SHOX: variants seen among roughly 807,000 people sequenced by gnomAD.
SHOX encodes SHOX homeobox, also known as short stature homeobox protein.
SHOX carries 12 observed loss-of-function variants against 29.6 expected under a neutral mutation model. That is an observed-to-expected ratio of 0.41 (90% confidence interval 0.26 to 0.66). The LOEUF (loss-of-function observed/expected upper bound fraction) is 0.66. Among genes scored for constraint, SHOX ranks in the 30% least tolerant of loss-of-function variants. The pLI is 0.35. For synonymous variants in SHOX, 214 were observed against 200.6 expected, an observed-to-expected ratio of 1.07 and a Z score of -0.57; for missense variants, 499 against 437.7, an observed-to-expected ratio of 1.14 and a Z score of -1.25.
At chrX:637,526 TATCG>T (rs893861064) in intron 2 of SHOX, among the ~76,000 whole-genome samples, 1 of 151,088 alleles carries the variant, frequency 6.6e-6, no homozygotes, top group Admixed American at 6.6e-5. Flanking sequence ...AGCTGGGGGT[TATCG>T]ATTGCAGGGG....
At chrX:625,876 C>G (rs1277984583), upstream of SHOX, among the ~76,000 whole-genome samples, 1 of 80,146 alleles carries the variant, frequency 1.2e-5, no homozygotes, top group Non-Finnish European at 2.6e-5. Flanking sequence ...CTCTGTCTCT[C>G]TTTCTCTCTC....
downstream of SHOX, among the ~76,000 whole-genome samples, chrX:653,198 G>A (rs1258949320): frequency 9.2e-5 from 14 of 152,200 alleles, no homozygotes; most frequent in Middle Eastern, 3.4e-3. Context: ...CCGAGATCGC[G>A]CCATTGCACT....
rs1376045127 is a variant in SHOX at position 644,485 on chromosome X, C to G, written c.728C>G (p.Pro243Arg). 1.3e-6 allele frequency: 2 copies of G among 1,523,258 alleles called. No individual in the cohort carries two copies. The highest frequency in any genetic ancestry group is 2.5e-5 in the East Asian group (1 of 39,330). The allele number at this position is 1,523,258 out of a possible 1,614,324, so 94.4% of individuals were successfully genotyped here. Residue 243 changes from proline to arginine, a missense_variant, in exon 5 of 5, where the codon CCG becomes CGG. Physicochemically the swap from Pro to Arg is moderately radical, Grantham distance 103 (BLOSUM62 -2). Coordinates refer to ENST00000686671, the MANE Select transcript of SHOX (RefSeq NM_000451.4). ...CACGCGCCCTACCTGATGTTCCCCC[C>G]GCCGCCCTTCGGGCTGCCCATCGCG... ...AAHAPYLMFPPPPFGLPIASL... is the reference protein window; with the variant it reads ...AAHAPYLMFPRPPFGLPIASL...
downstream of SHOX, among the ~76,000 whole-genome samples, chrX:655,600 CTCTCTCTCTCTCTCTATATA>C (rs1347128462): frequency 1.4e-3 from 74 of 54,132 alleles, no homozygotes; most frequent in South Asian, 3.4e-3. Flanking sequence ...CTCTCTCTCT[CTCTCTCTCTCTCTCTATATA>C]TATATATATA....
chrX:640,757 G>A (rs904909908), intron 2 of SHOX, 64 bp from the exon 3 acceptor site: 1 of 1,579,200 alleles, frequency 6.3e-7, no homozygotes, highest in African/African-American at 1.3e-5. Flanking sequence ...TGGGAAGGAT[G>A]CTCCCTGGGG....
chrX:633,244 G>A (rs958231970), intron 1 of SHOX, among the ~76,000 whole-genome samples: 2 of 152,162 alleles, frequency 1.3e-5, no homozygotes, highest in Non-Finnish European at 1.5e-5. Context: ...CTGGGAGCCC[G>A]TGGGTTCTGC....
intron 5 of SHOX, among the ~76,000 whole-genome samples, chrX:656,788 A>G (rs2053152425): frequency 6.6e-6 from 1 of 150,952 alleles, no homozygotes; most frequent in Admixed American, 6.7e-5. Flanking sequence ...CCATGCAGTG[A>G]GTCGAGATCG....
chrX:641,173 TCCTA>T, intron 4 of SHOX, 86 bp downstream of exon 4: 1 of 1,245,738 alleles, frequency 8.0e-7, no homozygotes, highest in Non-Finnish European at 1.2e-6. Context: ...ATCCTGACAC[TCCTA>T]GTCCCTCCCT....
intron 5 of SHOX, among the ~76,000 whole-genome samples, chrX:658,245 G>A (rs2053174548): frequency 6.6e-6 from 1 of 152,060 alleles, no homozygotes; most frequent in Admixed American, 6.6e-5. Context: ...AAAGTGCTGG[G>A]ATGACAGACA....
At chrX:627,813 A>AC (rs371914809), upstream of SHOX, among the ~76,000 whole-genome samples, 1 of 151,870 alleles carries the variant, frequency 6.6e-6, no homozygotes, top group African/African-American at 2.4e-5. Context: ...GCCTCACGGG[A>AC]CCCCCCAGGA....
rs1338400354 is a variant in SHOX, at chrX:650,423, T to C, written c.*5787T>C. Among the ~76,000 whole-genome samples the C allele has an allele frequency of 2.6e-5, 4 of 152,240 alleles. No individual in the cohort carries two copies. The highest frequency in any genetic ancestry group is 2.6e-4 in the Admixed American group (4 of 15,286). On this transcript the variant is annotated 3_prime_UTR_variant, in exon 5 of 5. Coordinates refer to ENST00000686671, the MANE Select transcript of SHOX (RefSeq NM_000451.4). Reference sequence around the variant, plus strand: ...GGTCTTGCTGCTGTCCTTGGCCACGTCAGCACGTGGGAGCATCTGTGGATA... The same window carrying C: ...GGTCTTGCTGCTGTCCTTGGCCACGCCAGCACGTGGGAGCATCTGTGGATA...
chrX:655,568 G>GTCTC (rs1228178183), downstream of SHOX, among the ~76,000 whole-genome samples: 21 of 87,876 alleles, frequency 2.4e-4, no homozygotes, highest in East Asian at 1.2e-3. Flanking sequence ...CTCTCTCTCT[G>GTCTC]TCTCTCTCTC....
At chrX:626,366 CCT>C (rs1223096366), upstream of SHOX, among the ~76,000 whole-genome samples, 1 of 132,184 alleles carries the variant, frequency 7.6e-6, no homozygotes, top group African/African-American at 2.8e-5. Flanking sequence ...CTCTCTCTCT[CCT>C]CTCTCTCTTT....
chrX:629,507 A>C (rs1313893398), upstream of SHOX, among the ~76,000 whole-genome samples: 3,101 of 71,884 alleles, frequency 0.043, no homozygotes, highest in Middle Eastern at 0.088. Flanking sequence ...CTCTCTCTCC[A>C]TCTCTCTCTC....
intron 4 of SHOX, among the ~76,000 whole-genome samples, chrX:642,621 TCTTTTGCCGA>T (rs1478375001): frequency 1.3e-5 from 2 of 152,090 alleles, no homozygotes; most frequent in Non-Finnish European, 2.9e-5. Context: ...TCTTGTACCG[TCTTTTGCCGA>T]CGGCGGGACC....
intron 2 of SHOX, 71 bp from the exon 3 acceptor site, chrX:640,750 G>C: frequency 6.4e-7 from 1 of 1,568,540 alleles, no homozygotes; most frequent in South Asian, 1.1e-5. Context: ...AGCCTCATGG[G>C]AAGGATGCTC....
rs1444972548 is a variant in SHOX, at chrX:648,932, CTCTTTCTTTCTTT to C, written c.*4308_*4320del. On this transcript the variant is annotated 3_prime_UTR_variant, in exon 5 of 5. Coordinates refer to ENST00000686671, the MANE Select transcript of SHOX (RefSeq NM_000451.4). Reference sequence around the variant, plus strand: ...CCTTTCTTTCTTTTTCTTTCTTTCTCTCTTTCTTTCTTTTCTTTCTTTCTGTTTCTTTCCTTTT... The same window carrying C: ...CCTTTCTTTCTTTTTCTTTCTTTCTCTCTTTCTTTCTGTTTCTTTCCTTTT... Among the ~76,000 whole-genome samples the C allele has an allele frequency of 3.8e-5, 3 of 78,072 alleles. No individual in the cohort carries two copies. The highest frequency in any genetic ancestry group is 1.0e-4 in the Non-Finnish European group (3 of 29,354). The allele number at this position is 78,072 out of a possible 152,430, so 51.2% of individuals were successfully genotyped here.
At position 648,437 on chromosome X, in the gene SHOX, G is replaced by A. The variant is rs941802694; in HGVS notation, c.*3801G>A. ...AGACAGGTTTTTGCTGTGTTGGCCC[G>A]GCTGGTCTCAAACTCCTGACCTCAG... On this transcript the variant is annotated 3_prime_UTR_variant, in exon 5 of 5. Coordinates refer to ENST00000686671, the MANE Select transcript of SHOX (RefSeq NM_000451.4). Among the ~76,000 whole-genome samples, 8 of 152,132 alleles carry A rather than the reference G, an allele frequency of 5.3e-5. No individual in the cohort carries two copies. Among genetic ancestry groups the A allele is most frequent in the Middle Eastern group, 3.2e-3 (1 of 316 alleles).
chrX:625,065 C>T lies in SHOX; in HGVS notation c.-433+463C>T, dbSNP rs772345590. Among the ~76,000 whole-genome samples the T allele has an allele frequency of 4.7e-3, 590 of 125,664 alleles. 5 individuals carry two copies. Among genetic ancestry groups the T allele is most frequent in the African/African-American group, 0.018 (562 of 30,556 alleles). The allele number at this position is 125,664 out of a possible 152,430, so 82.4% of individuals were successfully genotyped here. On this transcript the variant is annotated intron_variant, in intron 1 of 5. Coordinates refer to the SHOX transcript ENST00000334060. The stretch of plus-strand genomic sequence containing the variant: ...TTCCTCCCTCTGTTCCTTCCTCCCT[C>T]CCTCCCTCCTTCTCTCCCTCCCTCC...
Sources: allele counts gnomAD v4.1 joint callset (sites outside exome capture counted in the v4.1 genomes callset), GRCh38; gene constraint gnomAD v4.1.1; transcripts MANE v1.5; gene names NCBI Gene and HGNC (gene_info 2026-07-23, HGNC 2026-07-21).